The following KCNQ3 variants were observed in gnomAD, a reference collection of about 807,000 sequenced individuals.
KCNQ3 encodes the protein potassium voltage-gated channel subfamily Q member 3, also known as potassium voltage-gated channel subfamily KQT member 3.
KCNQ3 carries 30 observed loss-of-function variants against 92.5 expected under a neutral mutation model. The ratio of observed to expected loss-of-function variants is 0.32; its 90% CI spans 0.24 to 0.44. KCNQ3 has a LOEUF of 0.44. KCNQ3 is among the 20% of genes least tolerant of loss of function. The pLI is 1.00. For missense variants in KCNQ3, 913 were observed against 1,140.3 expected, an observed-to-expected ratio of 0.80 and a Z score of 2.87; for synonymous variants, 450 against 468.8, an observed-to-expected ratio of 0.96 and a Z score of 0.52.
chr8:132,174,757 T>C (rs1171300684), intron 5 of KCNQ3, among the ~76,000 whole-genome samples: 1 of 152,216 alleles, frequency 6.6e-6, no homozygotes. Context: ...GTTTAGTATA[T>C]TCTTGTGTGT....
intron 1 of KCNQ3, among the ~76,000 whole-genome samples, chr8:132,253,941 G>T (rs1407428374): frequency 6.6e-6 from 1 of 152,200 alleles, no homozygotes; most frequent in Non-Finnish European, 1.5e-5. Flanking sequence ...ACATTCTAAA[G>T]TTCAAGTGCA....
intron 1 of KCNQ3, among the ~76,000 whole-genome samples, chr8:132,371,937 A>AG (rs777016936): frequency 2.0e-5 from 3 of 152,096 alleles, no homozygotes; most frequent in Non-Finnish European, 4.4e-5. Context: ...GAGCTACTCC[A>AG]GGGGGGATTT....
intron 1 of KCNQ3, among the ~76,000 whole-genome samples, chr8:132,303,690 C>CACA (rs1817321444): frequency 1.4e-5 from 1 of 73,926 alleles, no homozygotes; most frequent in Admixed American, 1.4e-4. Context: ...ACACACACAG[C>CACA]CACACCACAC....
chr8:132,168,067 T>C (rs1208851294), intron 8 of KCNQ3, among the ~76,000 whole-genome samples: 1 of 152,212 alleles, frequency 6.6e-6, no homozygotes, highest in Non-Finnish European at 1.5e-5. Context: ...ACCCAAACTT[T>C]CCCATTCTTT....
At chr8:132,170,507 A>C in intron 7 of KCNQ3, 79 bp from the exon 8 acceptor site, 3 of 879,450 alleles carry the variant, frequency 3.4e-6, no homozygotes, top group Non-Finnish European at 3.9e-6. Flanking sequence ...CAACAAAACA[A>C]TGTTTAAGCC....
intron 9 of KCNQ3, among the ~76,000 whole-genome samples, chr8:132,144,765 T>C (rs1439402821): frequency 6.6e-6 from 1 of 152,102 alleles, no homozygotes; most frequent in East Asian, 1.9e-4. Context: ...AAAATCTTCA[T>C]CCCTTTTTTT....
chr8:132,137,045 AT>A (rs1825125558), intron 12 of KCNQ3, among the ~76,000 whole-genome samples: 1 of 124,304 alleles, frequency 8.0e-6, no homozygotes, highest in Admixed American at 8.1e-5. Context: ...TTTTTTTTGT[AT>A]TTTTAGTAGA....
At chr8:132,305,263 G>A (rs1817383331) in intron 1 of KCNQ3, among the ~76,000 whole-genome samples, 1 of 152,164 alleles carries the variant, frequency 6.6e-6, no homozygotes, top group Non-Finnish European at 1.5e-5. Flanking sequence ...AGTCCCACAT[G>A]TTCCCAGCTA....
chr8:132,357,855 C>T (rs985406052), intron 1 of KCNQ3, among the ~76,000 whole-genome samples: 1 of 152,234 alleles, frequency 6.6e-6, no homozygotes, highest in Non-Finnish European at 1.5e-5. Flanking sequence ...CCCTTGCACT[C>T]CAATGAGTCA....
At chr8:132,403,471 G>A (rs1820402045) in intron 1 of KCNQ3, among the ~76,000 whole-genome samples, 1 of 152,188 alleles carries the variant, frequency 6.6e-6, no homozygotes, top group African/African-American at 2.4e-5. Flanking sequence ...CAGCAGCTTT[G>A]GGTTCATTAA....
intron 1 of KCNQ3, among the ~76,000 whole-genome samples, chr8:132,430,351 C>CT (rs1428401197): frequency 6.6e-6 from 1 of 152,188 alleles, no homozygotes; most frequent in Admixed American, 6.5e-5. Flanking sequence ...CAAGCAGGCC[C>CT]TTCAGAAGTG....
intron 9 of KCNQ3, among the ~76,000 whole-genome samples, chr8:132,142,477 T>C (rs1825326796): frequency 6.6e-6 from 1 of 152,208 alleles, no homozygotes. Context: ...GCAGGTGCTC[T>C]GTACATGTTA....
chr8:132,433,983 C>T (rs575024600), intron 1 of KCNQ3, among the ~76,000 whole-genome samples: 4 of 152,040 alleles, frequency 2.6e-5, no homozygotes, highest in East Asian at 3.9e-4. Context: ...CCGAGGCGGG[C>T]GGATCACGAG....
At chr8:132,207,450 T>G (rs1813697887) in intron 1 of KCNQ3, among the ~76,000 whole-genome samples, 2 of 151,640 alleles carry the variant, frequency 1.3e-5, no homozygotes. Flanking sequence ...GGAAGAGAGG[T>G]TCTAGGAAAA....
At chr8:132,364,706 T>TGGATGGATGGATGGATGGAC (rs1819267136) in intron 1 of KCNQ3, among the ~76,000 whole-genome samples, 1 of 151,526 alleles carries the variant, frequency 6.6e-6, no homozygotes, top group Admixed American at 6.6e-5. Flanking sequence ...GATGGATGGA[T>TGGATGGATGGATGGATGGAC]GGATGGATGG....
chr8:132,164,665 T>C (rs559962118), intron 8 of KCNQ3, among the ~76,000 whole-genome samples: 12 of 152,182 alleles, frequency 7.9e-5, no homozygotes, highest in Admixed American at 5.2e-4. Context: ...GTTCTGAGTC[T>C]CTGAGGCCAG....
At chr8:132,445,225 T>C (rs1254814568) in intron 1 of KCNQ3, among the ~76,000 whole-genome samples, 1 of 152,156 alleles carries the variant, frequency 6.6e-6, no homozygotes, top group Non-Finnish European at 1.5e-5. Flanking sequence ...TTCCTGTCAC[T>C]GTCACTTCAT....
chr8:132,192,324 C>T (rs1056043128), intron 1 of KCNQ3, among the ~76,000 whole-genome samples: 8 of 152,196 alleles, frequency 5.3e-5, no homozygotes, highest in Non-Finnish European at 1.2e-4. Flanking sequence ...CGGAAACCCT[C>T]CTTAACCTGA....
At chr8:132,233,877 C>T (rs904950037) in intron 1 of KCNQ3, among the ~76,000 whole-genome samples, 3 of 152,084 alleles carry the variant, frequency 2.0e-5, no homozygotes, top group African/African-American at 7.2e-5. Flanking sequence ...ATTCAAAGCT[C>T]TTTGGATATT....
Sources: gnomAD v4.1 joint callset for allele counts (sites outside exome capture counted in the v4.1 genomes callset) on GRCh38, gnomAD v4.1.1 for gene constraint, MANE v1.5 for transcripts, NCBI Gene and HGNC (gene_info 2026-07-23, HGNC 2026-07-21) for gene names.